Variants in ROBO1 observed in about 807,000 individuals in gnomAD.
ROBO1 encodes the protein roundabout homolog 1.
A neutral mutation model predicts 195.9 loss-of-function variants in ROBO1; 149 were observed. The ratio of observed to expected loss-of-function variants is 0.76; its 90% CI spans 0.67 to 0.87. The LOEUF is 0.87. Among genes scored for constraint, ROBO1 ranks in the 40% least tolerant of loss-of-function variants. The probability of loss-of-function intolerance (pLI) is 0.00; values close to 1 mark genes in which losing one functional copy is unlikely to be tolerated. For missense variants in ROBO1, 1,933 were observed against 2,068.3 expected, an observed-to-expected ratio of 0.93 and a Z score of 1.27; for synonymous variants, 816 against 733.2, an observed-to-expected ratio of 1.11 and a Z score of -1.82.
rs911942926 is a variant in ROBO1 at position 79,765,064 on chromosome 3, G to A, written c.-51+2688C>T. Among the ~76,000 whole-genome samples, 3 of 152,292 alleles carry A rather than the reference G, an allele frequency of 2.0e-5. No individual in the cohort carries two copies. In the East Asian group the frequency reaches 5.8e-4, roughly 29 times the overall value. On this transcript the variant is annotated intron_variant, in intron 1 of 30. Coordinates refer to ENST00000464233, the MANE Select transcript of ROBO1 (RefSeq NM_002941.4). The stretch of plus-strand genomic sequence containing the variant: ...CTAAGGGAAGCGAAGGGAAGTAAAA[G>A]GAAGTAAATAGGAAAATACAACAAA...
At chr3:78,861,999 G>C (rs2107009171) in intron 4 of ROBO1, among the ~76,000 whole-genome samples, 1 of 152,216 alleles carries the variant, frequency 6.6e-6, no homozygotes, top group Middle Eastern at 3.4e-3. Context: ...TTAATCCCTA[G>C]AACACGTGAA....
chr3:79,641,317 G>A (rs1005403894), intron 1 of ROBO1, among the ~76,000 whole-genome samples: 1 of 150,562 alleles, frequency 6.6e-6, no homozygotes, highest in Non-Finnish European at 1.5e-5. Context: ...TTAAATCATT[G>A]CTGATCAACC....
intron 2 of ROBO1, among the ~76,000 whole-genome samples, chr3:79,584,914 G>A (rs1365732935): frequency 4.6e-5 from 7 of 151,500 alleles, no homozygotes; most frequent in African/African-American, 1.7e-4. Flanking sequence ...TTTTTGATCT[G>A]GTTAAGTCCA....
chr3:79,182,246 C>T (rs1474995681), intron 2 of ROBO1, among the ~76,000 whole-genome samples: 1 of 152,064 alleles, frequency 6.6e-6, no homozygotes, highest in Non-Finnish European at 1.5e-5. Flanking sequence ...ACTTTCCTCC[C>T]ATCTTTTCTT....
chr3:79,663,276 CAAAAA>C (rs1946384022), intron 1 of ROBO1, among the ~76,000 whole-genome samples: 1 of 151,578 alleles, frequency 6.6e-6, no homozygotes, highest in Admixed American at 6.6e-5. Flanking sequence ...AAATGTTCCA[CAAAAA>C]AATGCAATGG....
chr3:79,148,039 T>C (rs1397720880), intron 2 of ROBO1, among the ~76,000 whole-genome samples: 1 of 151,908 alleles, frequency 6.6e-6, no homozygotes, highest in Non-Finnish European at 1.5e-5. Context: ...AATAGCTTTT[T>C]TCTTTCTTTC....
intron 1 of ROBO1, among the ~76,000 whole-genome samples, chr3:79,709,796 T>C (rs1331133252): frequency 6.6e-6 from 1 of 152,122 alleles, no homozygotes; most frequent in Non-Finnish European, 1.5e-5. Flanking sequence ...TCCATTACCA[T>C]TAAAATAGTC....
chr3:79,030,446 A>T (rs1028718689), intron 3 of ROBO1, among the ~76,000 whole-genome samples: 4 of 152,192 alleles, frequency 2.6e-5, no homozygotes, highest in Non-Finnish European at 5.9e-5. Context: ...AAACTTTAAT[A>T]TACACTGGGG....
intron 3 of ROBO1, among the ~76,000 whole-genome samples, chr3:78,997,491 C>T (rs1024098301): frequency 6.6e-5 from 10 of 152,098 alleles, no homozygotes; most frequent in African/African-American, 2.2e-4. Context: ...TTCTCCTTGT[C>T]ATTAAATGTT....
chr3:79,058,245 G>C (rs921253578), intron 3 of ROBO1, among the ~76,000 whole-genome samples: 1 of 151,966 alleles, frequency 6.6e-6, no homozygotes, highest in Non-Finnish European at 1.5e-5. Context: ...GGCACCAAAG[G>C]GCTATTTAAA....
intron 1 of ROBO1, among the ~76,000 whole-genome samples, chr3:79,637,845 G>A (rs950860342): frequency 6.6e-6 from 1 of 152,132 alleles, no homozygotes; most frequent in South Asian, 2.1e-4. Context: ...CAGGCACTCT[G>A]TGTATTCCAT....
chr3:79,709,603 G>C (rs1576264490), intron 1 of ROBO1, among the ~76,000 whole-genome samples: 1 of 151,708 alleles, frequency 6.6e-6, no homozygotes, highest in East Asian at 1.9e-4. Context: ...ACTATCAATG[G>C]GTCAGACAAC....
intron 5 of ROBO1, among the ~76,000 whole-genome samples, chr3:78,734,230 A>G (rs2082343339): frequency 1.3e-5 from 2 of 152,132 alleles, no homozygotes; most frequent in South Asian, 4.1e-4. Context: ...TTGGTGAGGC[A>G]GTCCTCTATG....
intron 3 of ROBO1, among the ~76,000 whole-genome samples, chr3:79,027,195 T>C (rs1250643168): frequency 2.0e-5 from 3 of 152,096 alleles, no homozygotes; most frequent in Admixed American, 6.5e-5. Flanking sequence ...AGAAGTACTA[T>C]GTTCATTTAA....
intron 3 of ROBO1, among the ~76,000 whole-genome samples, chr3:79,009,003 C>T (rs1254883374): frequency 2.0e-5 from 3 of 150,990 alleles, no homozygotes; most frequent in East Asian, 2.0e-4. Context: ...TGCAATGGCA[C>T]GATCTCGGCT....
intron 2 of ROBO1, among the ~76,000 whole-genome samples, chr3:79,462,952 A>G (rs547457428): frequency 1.1e-4 from 17 of 152,334 alleles, no homozygotes; most frequent in African/African-American, 4.1e-4. Context: ...GATTTATCTA[A>G]CACTTTTAAG....
At chr3:78,864,673 CATCTT>C (rs975869046) in intron 4 of ROBO1, among the ~76,000 whole-genome samples, 3 of 151,704 alleles carry the variant, frequency 2.0e-5, no homozygotes, top group Middle Eastern at 3.3e-3. Flanking sequence ...TTATACCTCT[CATCTT>C]AACTGTAATG....
intron 29 of ROBO1, among the ~76,000 whole-genome samples, chr3:78,603,407 T>G (rs1575759021): frequency 6.6e-6 from 1 of 152,278 alleles, no homozygotes; most frequent in East Asian, 1.9e-4. Flanking sequence ...CATGGCACTA[T>G]GAAGGTTATA....
chr3:79,589,227 C>T (rs1943921395), intron 2 of ROBO1, among the ~76,000 whole-genome samples: 1 of 151,482 alleles, frequency 6.6e-6, no homozygotes, highest in Admixed American at 6.6e-5. Flanking sequence ...CTAATTAATT[C>T]CTATTAAAAC....
Sources: allele counts gnomAD v4.1 joint callset (sites outside exome capture counted in the v4.1 genomes callset), GRCh38; gene constraint gnomAD v4.1.1; transcripts MANE v1.5; gene names NCBI Gene and HGNC (gene_info 2026-07-23, HGNC 2026-07-21).